STAB2: variants seen among roughly 807,000 people sequenced by gnomAD.
STAB2 encodes the protein stabilin-2.
Under a neutral mutation model 338.1 loss-of-function variants are expected in STAB2, and 288 were observed. The ratio of observed to expected loss-of-function variants is 0.85; its 90% confidence interval spans 0.77 to 0.94. The LOEUF (loss-of-function observed/expected upper bound fraction) is 0.94, where lower values mean the gene tolerates loss of function less well. STAB2 is among the 40% of genes least tolerant of loss of function. STAB2 has a pLI of 0.00. For missense variants in STAB2, 3,141 were observed against 3,210.1 expected (o/e 0.98, Z 0.52); for synonymous variants, 1,202 against 1,193.3 (o/e 1.01, Z -0.15).
chr12:103,701,002 C>G (rs1878816840), intron 34 of STAB2, among the ~76,000 whole-genome samples: 1 of 144,664 alleles, frequency 6.9e-6, no homozygotes, highest in East Asian at 2.0e-4. Flanking sequence ...CCCCCTCCCC[C>G]CTGCCCCCAC....
intron 5 of STAB2, among the ~76,000 whole-genome samples, chr12:103,623,783 A>C (rs1957339583): frequency 6.6e-6 from 1 of 152,170 alleles, no homozygotes; most frequent in African/African-American, 2.4e-5. Context: ...ATACATAGTC[A>C]AGTGGGGAGA....
chr12:103,679,183 C>A (rs998235161), intron 25 of STAB2, among the ~76,000 whole-genome samples: 18 of 152,156 alleles, frequency 1.2e-4, no homozygotes, highest in African/African-American at 4.3e-4. Context: ...CGAGCCCAGC[C>A]TGACCAACAT....
intron 34 of STAB2, among the ~76,000 whole-genome samples, chr12:103,700,928 G>T (rs1166818766): frequency 6.6e-6 from 1 of 151,104 alleles, no homozygotes; most frequent in African/African-American, 2.4e-5. Context: ...CATGTGCCAT[G>T]CTGGTGCGCT....
intron 65 of STAB2, among the ~76,000 whole-genome samples, 164 bp downstream of exon 65, chr12:103,759,437 A>G (rs1163351977): frequency 1.3e-5 from 2 of 152,224 alleles, no homozygotes; most frequent in African/African-American, 4.8e-5. Context: ...CACACTGACA[A>G]TTGGGCAGCC....
At chr12:103,731,397 CT>C (rs1359480362) in intron 49 of STAB2, among the ~76,000 whole-genome samples, 178 bp from the exon 50 acceptor site, 1 of 152,162 alleles carries the variant, frequency 6.6e-6, no homozygotes, top group Non-Finnish European at 1.5e-5. Context: ...AGCGCTTAGC[CT>C]ACTAGTCTCT....
chr12:103,632,042 A>G (rs1957471871), intron 6 of STAB2, among the ~76,000 whole-genome samples: 1 of 152,184 alleles, frequency 6.6e-6, no homozygotes, highest in South Asian at 2.1e-4. Flanking sequence ...TAAAGGAGAT[A>G]CAGCATCTTC....
At chr12:103,714,344 A>G (rs1357221073) in intron 42 of STAB2, among the ~76,000 whole-genome samples, 1 of 152,246 alleles carries the variant, frequency 6.6e-6, no homozygotes, top group Non-Finnish European at 1.5e-5. Context: ...AAATTGACAT[A>G]GAAGAGTTAT....
At chr12:103,654,125 G>A (rs1018114111) in intron 12 of STAB2, among the ~76,000 whole-genome samples, 4 of 152,238 alleles carry the variant, frequency 2.6e-5, no homozygotes, top group African/African-American at 9.6e-5. Context: ...TATTTACTAA[G>A]TCTGTCACTT....
intron 48 of STAB2, among the ~76,000 whole-genome samples, chr12:103,729,550 C>T (rs537618759): frequency 6.6e-6 from 1 of 152,128 alleles, no homozygotes; most frequent in South Asian, 2.1e-4. Flanking sequence ...CCTTAATTTC[C>T]GAATAAGAAA....
At chr12:103,711,169 G>A (rs535669580) in intron 39 of STAB2, 1 of 404,590 alleles carries the variant, frequency 2.5e-6, no homozygotes, top group Non-Finnish European at 4.4e-6. Context: ...TCAACACCCA[G>A]ACCATAAGAG....
chr12:103,639,160 A>G (rs1957599397), intron 8 of STAB2, among the ~76,000 whole-genome samples: 1 of 152,232 alleles, frequency 6.6e-6, no homozygotes, highest in Non-Finnish European at 1.5e-5. Flanking sequence ...AAGACCTCGC[A>G]TGTGAGATAA....
chr12:103,624,938 CT>C (rs1957357246), intron 5 of STAB2, among the ~76,000 whole-genome samples: 2 of 28,790 alleles, frequency 6.9e-5, no homozygotes, highest in African/African-American at 3.3e-4. Flanking sequence ...AAGACTCCAT[CT>C]CAAAAAAAAA....
intron 61 of STAB2, among the ~76,000 whole-genome samples, chr12:103,754,573 T>A (rs963046012): frequency 2.0e-5 from 3 of 152,164 alleles, no homozygotes; most frequent in African/African-American, 7.2e-5. Context: ...GTTGTGGTGA[T>A]TATGATAATG....
chr12:103,746,660 G>A lies in STAB2; in HGVS notation c.6200G>A (p.Cys2067Tyr), dbSNP rs773641600. The change falls in exon 58 of 69, where the codon TGT (cysteine) becomes TAT (tyrosine). Residue 2067 changes from cysteine to tyrosine, a missense_variant. Transcript: ENST00000388887. ...GCCACCTGTAAGGAGAACAACACGT[G>A]TGAGTGTAACCTGGATTATGAAGGT... ...AHATCKENNT[C>Y]ECNLDYEGDG... 6.2e-7 allele frequency: 1 copy of A among 1,614,130 alleles called. No individual in the cohort carries two copies. The highest frequency in any genetic ancestry group is 8.5e-7 in the Non-Finnish European group (1 of 1,179,980).
intron 3 of STAB2, among the ~76,000 whole-genome samples, chr12:103,619,749 G>GCT (rs1472090656): frequency 2.0e-4 from 28 of 139,840 alleles, no homozygotes; most frequent in Non-Finnish European, 3.7e-4. Context: ...CATCAGCAAC[G>GCT]CCCCCCGCCC....
chr12:103,735,374 T>G lies in STAB2; in HGVS notation c.5461-117T>G, dbSNP rs369279457. 920 of 587,458 alleles carry G rather than the reference T, an allele frequency of 1.6e-3. 17 individuals carry two copies. In the South Asian group the frequency reaches 0.022, roughly 14 times the overall value. The allele number at this position is 587,458 out of a possible 1,614,324, so 36.4% of individuals were successfully genotyped here. ...CCTACGGTCATTTGTAAAGCTAAAG[T>G]TATTATAACTCGTGGAAAAATTTGC... On this transcript the variant is annotated intron_variant, in intron 51 of 68. Coordinates refer to ENST00000388887, the MANE Select transcript of STAB2 (RefSeq NM_017564.10).
chr12:103,643,725 G>T (rs78883359), intron 9 of STAB2, among the ~76,000 whole-genome samples: 2,082 of 152,012 alleles, frequency 0.014, 46 homozygotes, highest in African/African-American at 0.047. Context: ...ACCTTATAGG[G>T]TTGTTGCATT....
chr12:103,717,923 TGAG>T, intron 44 of STAB2, 82 bp downstream of exon 44: 1 of 1,411,468 alleles, frequency 7.1e-7, no homozygotes, highest in Non-Finnish European at 1.0e-6. Context: ...GATGCAGAGT[TGAG>T]GAACTCTTCC....
chr12:103,731,812 G>A (rs552245457), intron 50 of STAB2, among the ~76,000 whole-genome samples, 177 bp downstream of exon 50: 30 of 152,292 alleles, frequency 2.0e-4, no homozygotes, highest in African/African-American at 7.2e-4. Context: ...TTCTTAGAAT[G>A]TTATATGGCT....
Sources: gnomAD v4.1 joint callset for allele counts (sites outside exome capture counted in the v4.1 genomes callset) on GRCh38, gnomAD v4.1.1 for gene constraint, MANE v1.5 for transcripts, NCBI Gene and HGNC (gene_info 2026-07-23, HGNC 2026-07-21) for gene names.